Variants in LRRD1 observed in about 807,000 individuals in gnomAD.
LRRD1 encodes the protein leucine rich repeats and death domain containing 1.
Under a neutral mutation model 69.5 loss-of-function variants are expected in LRRD1, and 49 were observed. The observed-to-expected ratio is 0.70, with a 90% confidence interval of 0.56 to 0.89. The LOEUF (loss-of-function observed/expected upper bound fraction) is 0.89. Ranked by LOEUF, LRRD1 falls within the 40% of genes least tolerant of loss-of-function variation. LRRD1 has a pLI of 0.00. For missense variants in LRRD1, 853 were observed against 956.0 expected (o/e 0.89, Z 1.42); for synonymous variants, 303 against 338.9 (o/e 0.89, Z 1.16).
intron 3 of LRRD1, among the ~76,000 whole-genome samples, chr7:92,154,568 T>G (rs1788610649): frequency 6.6e-6 from 1 of 152,168 alleles, no homozygotes; most frequent in African/African-American, 2.4e-5. Context: ...TCACTTTTTT[T>G]TTTTTGCAAA....
chr7:92,142,980 T>C (rs1584646217), downstream of LRRD1: 1 of 257,644 alleles, frequency 3.9e-6, no homozygotes, highest in East Asian at 1.1e-4. Flanking sequence ...CAGCCTGCTT[T>C]TATTCTCTTA....
chr7:92,142,491 G>C (rs939569244), downstream of LRRD1: 3 of 456,618 alleles, frequency 6.6e-6, no homozygotes, highest in African/African-American at 4.0e-5. Context: ...TTCCATAGTA[G>C]CTCTGCAAAA....
chr7:92,152,140 A>AGTGTGT lies in LRRD1; in HGVS notation c.2117-1451_2117-1446dup, dbSNP rs71528038. Among the ~76,000 whole-genome samples the AGTGTGT allele has an allele frequency of 6.6e-3, 948 of 142,836 alleles. 12 individuals carry two copies. Among genetic ancestry groups the AGTGTGT allele is most frequent in the South Asian group, 0.023 (104 of 4,476 alleles). The allele number at this position is 142,836 out of a possible 152,430, so 93.7% of individuals were successfully genotyped here. On this transcript the variant is annotated intron_variant, in intron 3 of 5. Transcript: ENST00000458448. ...AAGATCTGGATACGATGCTTCTGGG[A>AGTGTGT]GTGTGTGTGTGTGTGTGTGTGTGTG... is the stretch of plus-strand genomic sequence containing the variant.
chr7:92,161,431 C>G (rs1295633738), intron 2 of LRRD1, among the ~76,000 whole-genome samples: 1 of 152,240 alleles, frequency 6.6e-6, no homozygotes, highest in Middle Eastern at 3.2e-3. Context: ...ACAACAGATA[C>G]GCAATTTGGA....
intron 1 of LRRD1, among the ~76,000 whole-genome samples, chr7:92,172,388 G>A (rs949020918): frequency 2.6e-5 from 4 of 152,108 alleles, no homozygotes; most frequent in Admixed American, 2.6e-4. Context: ...AATTGGCAAG[G>A]AAGCAGTCAA....
At chr7:92,167,888 A>AT (rs1385393997) in intron 1 of LRRD1, among the ~76,000 whole-genome samples, 5 of 145,270 alleles carry the variant, frequency 3.4e-5, no homozygotes, top group Admixed American at 6.8e-5. Flanking sequence ...AAAAAAAAAA[A>AT]AAAAAAAAAA....
chr7:92,158,019 C>A (rs1383424199), intron 3 of LRRD1, among the ~76,000 whole-genome samples: 3 of 152,092 alleles, frequency 2.0e-5, no homozygotes, highest in African/African-American at 7.2e-5. Flanking sequence ...TGTATGAGAG[C>A]TTTTAACTAC....
chr7:92,165,240 T>A lies in LRRD1; in HGVS notation c.-38A>T. On this transcript the variant is annotated 5_prime_UTR_variant, in exon 2 of 6. Transcript: ENST00000458448. Reference sequence around the variant, plus strand: ...TATGTTTTATGCCAATACAAAATTGTAACTTGATTTTAATTTTCATGTTTT... The same window carrying A: ...TATGTTTTATGCCAATACAAAATTGAAACTTGATTTTAATTTTCATGTTTT... The A allele has an allele frequency of 8.4e-7, 1 of 1,189,220 alleles. No individual in the cohort carries two copies. Among genetic ancestry groups the A allele is most frequent in the Non-Finnish European group, 1.1e-6 (1 of 905,144 alleles). 73.7% of individuals were successfully genotyped at this position (1,189,220 alleles called of 1,614,324 possible). A position where few individuals can be genotyped will look rare whatever the true frequency, so the allele number is the denominator to read the frequency against.
At chr7:92,145,314 C>T (rs1032553754) in intron 5 of LRRD1, among the ~76,000 whole-genome samples, 3 of 152,030 alleles carry the variant, frequency 2.0e-5, no homozygotes, top group Non-Finnish European at 4.4e-5. Flanking sequence ...ATGTTAGCTC[C>T]AGCCCATCCC....
chr7:92,160,735 C>G (rs1310066901), intron 2 of LRRD1, among the ~76,000 whole-genome samples: 1 of 152,118 alleles, frequency 6.6e-6, no homozygotes, highest in Non-Finnish European at 1.5e-5. Flanking sequence ...ATCACTTGAA[C>G]CTGGGAGGCA....
At chr7:92,150,507 TTAGA>T (rs1298351687) in intron 4 of LRRD1, 23 bp downstream of exon 4, 2 of 1,462,312 alleles carry the variant, frequency 1.4e-6, no homozygotes, top group Non-Finnish European at 1.8e-6. Context: ...AAATGACTTG[TTAGA>T]TAGTCAATCA....
At chr7:92,155,781 A>C (rs538385971) in intron 3 of LRRD1, among the ~76,000 whole-genome samples, 39 of 152,340 alleles carry the variant, frequency 2.6e-4, no homozygotes, top group South Asian at 8.3e-4. Flanking sequence ...CAAAGGCCCA[A>C]AGGCCCTAGA....
chr7:92,156,190 A>G (rs1584654594), intron 3 of LRRD1, among the ~76,000 whole-genome samples: 1 of 152,354 alleles, frequency 6.6e-6, no homozygotes, highest in East Asian at 1.9e-4. Context: ...TGCCAATACT[A>G]TCACTGTCTT....
intron 2 of LRRD1, among the ~76,000 whole-genome samples, chr7:92,160,683 A>G (rs1003250658): frequency 2.6e-5 from 4 of 151,998 alleles, no homozygotes; most frequent in Non-Finnish European, 5.9e-5. Flanking sequence ...CGTGGAGGTG[A>G]GTGCCTGTAA....
At chr7:92,162,391 C>T (rs1788809855) in intron 2 of LRRD1, among the ~76,000 whole-genome samples, 1 of 152,122 alleles carries the variant, frequency 6.6e-6, no homozygotes, top group Non-Finnish European at 1.5e-5. Flanking sequence ...TGAGCAGATG[C>T]TCATGGGACT....
rs1292012984 is a variant in LRRD1 at position 92,174,517 on chromosome 7, T to A, written c.-75+4490A>T. On this transcript the variant is annotated intron_variant, in intron 1 of 5. Transcript: ENST00000458448. ...TATATATATATATATATATTTTTTT[T>A]TTTTTTTTTTTTTTTTTTTTGAGAC... Among the ~76,000 whole-genome samples the A allele has an allele frequency of 5.2e-3, 332 of 63,640 alleles. 1 individual carries two copies. Among genetic ancestry groups the A allele is most frequent in the South Asian group, 7.2e-3 (11 of 1,522 alleles). 41.8% of individuals were successfully genotyped at this position (63,640 alleles called of 152,430 possible). A position where few individuals can be genotyped will look rare whatever the true frequency, so the allele number is the denominator to read the frequency against.
intron 1 of LRRD1, among the ~76,000 whole-genome samples, chr7:92,168,661 A>G (rs1788979760): frequency 1.5e-5 from 2 of 133,616 alleles, no homozygotes; most frequent in African/African-American, 3.3e-5. Context: ...CTGAGTGGAG[A>G]AAAAAAAAAA....
At chr7:92,152,904 G>A (rs989337763) in intron 3 of LRRD1, among the ~76,000 whole-genome samples, 7 of 152,186 alleles carry the variant, frequency 4.6e-5, no homozygotes, top group Middle Eastern at 3.4e-3. Context: ...TCCTGACCTC[G>A]TGATCTGCCC....
At chr7:92,144,664 A>G (rs1405042321), downstream of LRRD1, among the ~76,000 whole-genome samples, 1 of 151,776 alleles carries the variant, frequency 6.6e-6, no homozygotes, top group Non-Finnish European at 1.5e-5. Flanking sequence ...TTATTTTCAA[A>G]TGCAACATCA....
Sources: gnomAD v4.1 joint callset for allele counts (sites outside exome capture counted in the v4.1 genomes callset) on GRCh38, gnomAD v4.1.1 for gene constraint, MANE v1.5 for transcripts, NCBI Gene and HGNC (gene_info 2026-07-23, HGNC 2026-07-21) for gene names.